MGAT4C: variants seen among roughly 807,000 people sequenced by gnomAD.
MGAT4C encodes the protein MGAT4 family member C.
Under a neutral mutation model 40.1 loss-of-function variants are expected in MGAT4C, and 19 were observed. The ratio of observed to expected loss-of-function variants is 0.47; its 90% CI spans 0.33 to 0.70. The LOEUF (loss-of-function observed/expected upper bound fraction) is 0.70. Among genes scored for constraint, MGAT4C ranks in the 30% least tolerant of loss-of-function variants. The pLI is 0.02. For missense variants in MGAT4C, 491 were observed against 563.2 expected (o/e 0.87, Z 1.30); for synonymous variants, 181 against 187.1 (o/e 0.97, Z 0.27).
chr12:86,031,006 T>C (rs1890710819), intron 2 of MGAT4C, among the ~76,000 whole-genome samples: 1 of 151,798 alleles, frequency 6.6e-6, no homozygotes, highest in Non-Finnish European at 1.5e-5. Context: ...AAAACACATA[T>C]AATCAAATAT....
intron 1 of MGAT4C, among the ~76,000 whole-genome samples, chr12:86,785,810 A>C (rs566222352): frequency 6.6e-6 from 1 of 151,534 alleles, no homozygotes; most frequent in Non-Finnish European, 1.5e-5. Context: ...ATAACATAAT[A>C]ATCTTTGGAA....
chr12:85,989,543 A>G lies in MGAT4C; in HGVS notation c.4T>C (p.Phe2Leu). 1.2e-6 allele frequency: 2 copies of G among 1,601,220 alleles called. No homozygotes were observed. The highest frequency in any genetic ancestry group is 1.7e-6 in the Non-Finnish European group (2 of 1,173,700). ...ATATGTTTCATTTGATGAAATTTAA[A>G]CATTCTCTTCTGTGGAAAAGAGACA... Reference protein sequence around the residue: MFKFHQMKHIFE... With the variant: MLKFHQMKHIFE... The change falls in exon 3 of 5, where the codon TTT becomes CTT. Residue 2 changes from phenylalanine to leucine, a missense_variant. Phe to Leu is a conservative substitution (Grantham distance 22, BLOSUM62 0). Coordinates refer to ENST00000611864, the MANE Select transcript of MGAT4C (RefSeq NM_001351288.2).
At chr12:86,347,536 G>A (rs745646482) in intron 3 of MGAT4C, among the ~76,000 whole-genome samples, 8 of 152,146 alleles carry the variant, frequency 5.3e-5, no homozygotes, top group Non-Finnish European at 1.2e-4. Flanking sequence ...AGTTCCAAGA[G>A]TATACATTGT....
chr12:86,277,829 G>C (rs987560059), intron 4 of MGAT4C, among the ~76,000 whole-genome samples: 4 of 152,138 alleles, frequency 2.6e-5, no homozygotes, highest in African/African-American at 9.7e-5. Flanking sequence ...CAGGTAATAT[G>C]ATTCCTCCAA....
intron 3 of MGAT4C, among the ~76,000 whole-genome samples, chr12:86,387,570 A>G (rs1169176033): frequency 3.3e-5 from 5 of 152,120 alleles, no homozygotes; most frequent in Non-Finnish European, 7.4e-5. Flanking sequence ...TGAGGGAGGA[A>G]GCATAGTAAA....
At chr12:86,446,658 C>CACAT (rs1957340606) in intron 2 of MGAT4C, among the ~76,000 whole-genome samples, 1 of 35,320 alleles carries the variant, frequency 2.8e-5, no homozygotes, top group Non-Finnish European at 5.6e-5. Context: ...TCATGTAACT[C>CACAT]ATATATATAT....
At chr12:86,175,142 C>T (rs1006812113) in intron 1 of MGAT4C, among the ~76,000 whole-genome samples, 7 of 151,910 alleles carry the variant, frequency 4.6e-5, no homozygotes, top group South Asian at 2.1e-4. Context: ...ATACATTTGC[C>T]TTAAATCAAA....
chr12:86,027,054 A>T (rs991389302), intron 2 of MGAT4C, among the ~76,000 whole-genome samples: 1 of 152,020 alleles, frequency 6.6e-6, no homozygotes, highest in East Asian at 1.9e-4. Flanking sequence ...AAAAGGAAAA[A>T]TAGTGACAAC....
At chr12:86,203,581 C>T (rs1950131435) in intron 1 of MGAT4C, among the ~76,000 whole-genome samples, 1 of 152,066 alleles carries the variant, frequency 6.6e-6, no homozygotes, top group Non-Finnish European at 1.5e-5. Flanking sequence ...TCAATGTGCA[C>T]CAGACAATAT....
At chr12:86,433,283 A>T (rs1957075420) in intron 3 of MGAT4C, among the ~76,000 whole-genome samples, 1 of 151,656 alleles carries the variant, frequency 6.6e-6, no homozygotes, top group South Asian at 2.1e-4. Context: ...TATATATATA[A>T]AATGATATAC....
intron 1 of MGAT4C, among the ~76,000 whole-genome samples, chr12:86,805,307 A>G (rs1379017661): frequency 2.0e-5 from 3 of 151,874 alleles, no homozygotes; most frequent in African/African-American, 7.2e-5. Context: ...AATATTAATG[A>G]TCATATCACC....
rs928339602 is a variant in MGAT4C, at chr12:85,983,537, G to A, written c.281C>T (p.Pro94Leu). The change falls in exon 4 of 5, where the codon CCT becomes CTT. Residue 94 changes from proline (P) to leucine (L), a missense_variant. Pro to Leu is a moderately conservative substitution (Grantham distance 98). Transcript: ENST00000611864. ...NVTYRYLAAT[P>L]LQRKRYLTIG... ...AGGATACTTACGCTTTCTTTGTAAAGGTGTGGCAGCTAGGTAGCGATAGGT... is the reference window on the plus strand; with the variant it reads ...AGGATACTTACGCTTTCTTTGTAAAAGTGTGGCAGCTAGGTAGCGATAGGT... The A allele has an allele frequency of 6.4e-7, 1 of 1,573,766 alleles. No homozygotes were observed. The highest frequency in any genetic ancestry group is 8.6e-7 in the Non-Finnish European group (1 of 1,164,738).
rs550543717 is a variant in MGAT4C at position 86,135,210 on chromosome 12, T to C, written c.-56-85487A>G. On this transcript the variant is annotated intron_variant, in intron 1 of 4. Transcript: ENST00000611864. ...AATGAAAACCAACTCAGGGTTTATA[T>C]AAAACATGAGTTTATTAGAAGGATA... 2.0e-5 allele frequency among the ~76,000 whole-genome samples: 3 copies of C among 152,212 alleles called. No homozygotes were observed. In the East Asian group the frequency reaches 5.8e-4, roughly 29 times the overall value.
In MGAT4C at chr12:86,450,387, A is replaced by AT. The variant is rs1352320041; in HGVS notation, c.-228-15123dup. Among the ~76,000 whole-genome samples the AT allele has an allele frequency of 3.9e-5, 6 of 151,990 alleles. No individual in the cohort carries two copies. The South Asian group carries it at 6.2e-4, about 16-fold the overall frequency. On this transcript the variant is annotated intron_variant, in intron 2 of 7. Transcript: ENST00000548651. ...TGTATAAATGTATGTATTCTAAATC[A>AT]TTTTTTCTCAGATTAACACATTCCC...
intron 1 of MGAT4C, among the ~76,000 whole-genome samples, chr12:86,764,008 T>G (rs7299962): frequency 0.73 from 111,575 of 151,882 alleles, 42,558 homozygotes; most frequent in South Asian, 0.85. Flanking sequence ...GCCAGACAGT[T>G]GGTGCGGGGC....
At chr12:86,191,083 GCACACACA>G (rs56357601) in intron 1 of MGAT4C, among the ~76,000 whole-genome samples, 25,082 of 138,264 alleles carry the variant, frequency 0.18, 2,660 homozygotes, top group Middle Eastern at 0.25. Context: ...CTCTCTCTCT[GCACACACA>G]CACACACACA....
At chr12:86,292,758 T>C (rs902008412) in intron 4 of MGAT4C, among the ~76,000 whole-genome samples, 2 of 151,934 alleles carry the variant, frequency 1.3e-5, no homozygotes, top group African/African-American at 4.8e-5. Context: ...TTGGTAGAAG[T>C]CTCCTGACAG....
chr12:85,981,856 G>T (rs1884639833), intron 4 of MGAT4C, among the ~76,000 whole-genome samples: 1 of 152,082 alleles, frequency 6.6e-6, no homozygotes, highest in Non-Finnish European at 1.5e-5. Flanking sequence ...GTTGGCATGT[G>T]TGCCAATAAA....
intron 3 of MGAT4C, among the ~76,000 whole-genome samples, chr12:86,385,488 C>A (rs551078253): frequency 3.3e-4 from 50 of 152,210 alleles, no homozygotes; most frequent in African/African-American, 1.1e-3. Context: ...AAAATATTAG[C>A]CTGAAATTTT....
Sources: gnomAD v4.1 joint callset for allele counts (sites outside exome capture counted in the v4.1 genomes callset) on GRCh38, gnomAD v4.1.1 for gene constraint, MANE v1.5 for transcripts, NCBI Gene and HGNC (gene_info 2026-07-23, HGNC 2026-07-21) for gene names.